INTS2: variants seen among roughly 807,000 people sequenced by gnomAD.
The protein encoded by INTS2 is KIAA1287.
A neutral mutation model predicts 139.6 loss-of-function variants in INTS2; 57 were observed. The ratio of observed to expected loss-of-function variants is 0.41; its 90% CI spans 0.33 to 0.51. The LOEUF (loss-of-function observed/expected upper bound fraction) is 0.51. INTS2 is among the 20% of genes least tolerant of loss of function. INTS2 has a pLI of 0.28. For missense variants in INTS2, 1,196 were observed against 1,436.7 expected (o/e 0.83, Z 2.71); for synonymous variants, 473 against 493.4 (o/e 0.96, Z 0.55).
intron 16 of INTS2, 85 bp downstream of exon 16, chr17:61,884,816 A>T: frequency 2.5e-6 from 2 of 792,640 alleles, no homozygotes; most frequent in Non-Finnish European, 4.1e-6. Flanking sequence ...TTTTAACATT[A>T]AGCACCTATT....
rs1157529789 is a variant in INTS2, at chr17:61,909,025, T to A, written c.955-1391A>T. Among the ~76,000 whole-genome samples the A allele has an allele frequency of 1.3e-5, 2 of 152,174 alleles. No homozygotes were observed. Among genetic ancestry groups the A allele is most frequent in the African/African-American group, 4.8e-5 (2 of 41,450 alleles). ...AATTAGTTTTTGAAAAATTAAAACA[T>A]TTTGCAAGTTAAAAACTGTTGCAAA... On this transcript the variant is annotated intron_variant, in intron 7 of 24. Coordinates refer to ENST00000251334, the MANE Select transcript of INTS2 (RefSeq NM_001351695.2). The surrounding 1 kb of genome is among the most constrained non-coding windows in gnomAD (Gnocchi z 4.9).
intron 12 of INTS2, among the ~76,000 whole-genome samples, chr17:61,895,007 C>G (rs1050803491): frequency 6.6e-6 from 1 of 152,070 alleles, no homozygotes; most frequent in African/African-American, 2.4e-5. Context: ...TTATCTTTCT[C>G]CAGACACATT....
chr17:61,926,779 G>T, intron 1 of INTS2, 117 bp from the exon 2 acceptor site: 1 of 786,118 alleles, frequency 1.3e-6, no homozygotes, highest in East Asian at 2.7e-5. Context: ...TGTTGGCAAT[G>T]TTCCTGGCAC....
intron 5 of INTS2, among the ~76,000 whole-genome samples, chr17:61,913,352 A>C (rs1362107989): frequency 6.6e-6 from 1 of 151,902 alleles, no homozygotes; most frequent in Non-Finnish European, 1.5e-5. Context: ...CAAAAAAAAA[A>C]CAAAAAAAAA....
intron 9 of INTS2, among the ~76,000 whole-genome samples, chr17:61,903,158 C>T (rs1231497630): frequency 9.5e-5 from 13 of 137,412 alleles, no homozygotes; most frequent in Admixed American, 3.8e-4. Flanking sequence ...CAAAGCTAGA[C>T]TCCGTCTCAA....
intron 19 of INTS2, among the ~76,000 whole-genome samples, chr17:61,874,640 T>C (rs538177884): frequency 1.3e-5 from 2 of 152,258 alleles, no homozygotes; most frequent in Admixed American, 1.3e-4. Context: ...CTGGTCTAAA[T>C]TGTGAGAGAG....
At position 61,898,859 on chromosome 17, in the gene INTS2, C is replaced by A. The variant is rs927672667; in HGVS notation, c.1308-1120G>T. Among the ~76,000 whole-genome samples, 5 of 152,266 alleles carry A rather than the reference C, an allele frequency of 3.3e-5. No individual in the cohort carries two copies. In the South Asian group the frequency reaches 1.0e-3, roughly 32 times the overall value. Reference sequence around the variant, plus strand: ...GAACTCCTGATTTCAGGTGACTGACCCGCCTCAGCCTCCCAAAGTGCTGGG... The same window carrying A: ...GAACTCCTGATTTCAGGTGACTGACACGCCTCAGCCTCCCAAAGTGCTGGG... On this transcript the variant is annotated intron_variant, in intron 9 of 24. Coordinates refer to ENST00000251334, the MANE Select transcript of INTS2 (RefSeq NM_001351695.2).
At chr17:61,900,205 AT>A (rs1567905611) in intron 9 of INTS2, among the ~76,000 whole-genome samples, 1 of 152,210 alleles carries the variant, frequency 6.6e-6, no homozygotes, top group African/African-American at 2.4e-5. Context: ...CATCCATTTT[AT>A]ACCACGGAAT....
chr17:61,921,852 T>C, intron 3 of INTS2, 25 bp from the exon 4 acceptor site: 1 of 1,139,944 alleles, frequency 8.8e-7, no homozygotes, highest in Non-Finnish European at 1.3e-6. Context: ...AAAAAAGATA[T>C]AAACTCTATT....
chr17:61,872,430 G>A lies in INTS2; in HGVS notation c.2613C>T (p.His871=). The change falls in exon 20 of 25, where the codon CAC becomes CAT. Residue 871 remains histidine, a synonymous_variant. Transcript: ENST00000251334. This position sits in a 1 kb window ranked among gnomAD's most constrained non-coding sequence, Gnocchi z 4.8. ...ATGCAAGAAGATATCCATTCAACAT[G>A]TGTAGGGTAATATCCATCAGTGGGG... ...RCPPLMDITL[H]MLNGYLLASK... 6.2e-7 allele frequency: 1 copy of A among 1,608,738 alleles called. No individual in the cohort carries two copies. Among genetic ancestry groups the A allele is most frequent in the Non-Finnish European group, 8.5e-7 (1 of 1,176,240 alleles).
chr17:61,874,913 C>A lies in INTS2; in HGVS notation c.2582G>T (p.Arg861Ile). ...AAAATGAAACTCAAATGACATGTAC[C>A]TGTGAACCCTCTGATCACACCTTAG... ...IVLRCDQRVH[R>I]CPPLMDITLH... The change falls in exon 19 of 25, where the codon AGA becomes ATA. Residue 861 changes from arginine to isoleucine, a missense_variant and splice_region_variant. Physicochemically the swap from Arg to Ile is moderately conservative, Grantham distance 97 (BLOSUM62 -3). Around this residue, in one of 3 missense-constraint regions of INTS2, gnomAD observed 1,129 missense variants for 1,341.9 expected, o/e 0.84. Transcript: ENST00000251334. 1.3e-6 allele frequency: 2 copies of A among 1,581,968 alleles called. No homozygotes were observed. The highest frequency in any genetic ancestry group is 1.7e-6 in the Non-Finnish European group (2 of 1,164,332).
At chr17:61,925,198 T>C in intron 2 of INTS2, 99 bp from the exon 3 acceptor site, 1 of 1,132,760 alleles carries the variant, frequency 8.8e-7, no homozygotes, top group South Asian at 1.4e-5. Flanking sequence ...AAAGGATGTA[T>C]AAAGTGTTCT....
chr17:61,924,703 C>T (rs370534208), intron 3 of INTS2, among the ~76,000 whole-genome samples: 8 of 152,016 alleles, frequency 5.3e-5, no homozygotes, highest in African/African-American at 1.5e-4. Context: ...GTGGCGGGCA[C>T]CTGTAATCCC....
chr17:61,922,543 T>TATATATATATATATAC (rs1240177230), intron 3 of INTS2, among the ~76,000 whole-genome samples: 2 of 125,662 alleles, frequency 1.6e-5, no homozygotes, highest in African/African-American at 5.7e-5. Context: ...TATATATATA[T>TATATATATATATATAC]ATACGTGTTC....
In INTS2 at chr17:61,909,799, A is replaced by G. The variant is rs959103997; in HGVS notation, c.954+1721T>C. Among the ~76,000 whole-genome samples the G allele has an allele frequency of 1.3e-5, 2 of 148,772 alleles. No homozygotes were observed. The highest frequency in any genetic ancestry group is 3.0e-5 in the Non-Finnish European group (2 of 67,520). On this transcript the variant is annotated intron_variant, in intron 7 of 24. Transcript: ENST00000251334. This position sits in a 1 kb window ranked among gnomAD's most constrained non-coding sequence, Gnocchi z 4.9. ...TGTGTTTGTGTGTGTGTATACATAT[A>G]TACGTGTGTGTGTACATGTGTGTAT...
chr17:61,876,234 C>A lies in INTS2; in HGVS notation c.2457-1196G>T, dbSNP rs925401912. On this transcript the variant is annotated intron_variant, in intron 18 of 24. Transcript: ENST00000251334. This position sits in a 1 kb window ranked among gnomAD's most constrained non-coding sequence, Gnocchi z 4.1. ...AGAATTCCACACTTAGGCTAAATATCAGTCACATATGAGAATAATTCAGCA... is the reference window on the plus strand; with the variant it reads ...AGAATTCCACACTTAGGCTAAATATAAGTCACATATGAGAATAATTCAGCA... Among the ~76,000 whole-genome samples, 1 of 152,068 alleles carries A rather than the reference C, an allele frequency of 6.6e-6. No individual in the cohort carries two copies. Among genetic ancestry groups the A allele is most frequent in the Non-Finnish European group, 1.5e-5 (1 of 68,002 alleles).
intron 1 of INTS2, 24 bp from the exon 2 acceptor site, chr17:61,926,686 A>T: frequency 6.4e-7 from 1 of 1,563,506 alleles, no homozygotes; most frequent in Non-Finnish European, 8.7e-7. Flanking sequence ...TACAAATGAA[A>T]GTAGGAGTTT....
At position 61,881,088 on chromosome 17, in the gene INTS2, TTTC is replaced by T; in HGVS notation, c.2170_2172del (p.Glu724del). ...CGTAGCAGGGCATCAGTCCCTGTGA[TTTC>T]TTCTTCACAAATCCAGTCATCCACA... On this transcript the variant is annotated inframe_deletion, in exon 17 of 25. Coordinates refer to ENST00000251334, the MANE Select transcript of INTS2 (RefSeq NM_001351695.2). 1.2e-6 allele frequency: 2 copies of T among 1,613,676 alleles called. No homozygotes were observed. The highest frequency in any genetic ancestry group is 2.2e-5 in the South Asian group (2 of 91,074).
Position 61,889,864 on chromosome 17 carries a change from T to C in INTS2, c.1906A>G (p.Ser636Gly), listed in dbSNP as rs1188088813. Reference protein sequence around the residue: ...GDNIRLNQRFSITAQLLVLYY... With the variant: ...GDNIRLNQRFGITAQLLVLYY... The stretch of plus-strand genomic sequence containing the variant: ...AGCACCAAAAGCTGTGCTGTGATAC[T>C]GAAACGCTGATTAAGGCGGATGTTG... Residue 636 changes from serine (S) to glycine (G), a missense_variant, in exon 15 of 25, where the codon AGT (serine) becomes GGT (glycine). Physicochemically the swap from Ser to Gly is moderately conservative, Grantham distance 56. Transcript: ENST00000251334. 1.9e-6 allele frequency: 3 copies of C among 1,611,000 alleles called. No individual in the cohort carries two copies. The highest frequency in any genetic ancestry group is 8.5e-7 in the Non-Finnish European group (1 of 1,177,894).
Sources: allele counts gnomAD v4.1 joint callset (sites outside exome capture counted in the v4.1 genomes callset), GRCh38; gene constraint gnomAD v4.1.1; regional missense constraint gnomAD v4.1.1; non-coding constraint Gnocchi (gnomAD v3.1); transcripts MANE v1.5; gene names NCBI Gene and HGNC (gene_info 2026-07-23, HGNC 2026-07-21).